N4BP1: variants seen among roughly 807,000 people sequenced by gnomAD.
The protein encoded by N4BP1 is NEDD4 binding protein 1.
N4BP1 carries 21 observed loss-of-function variants against 70.9 expected under a neutral mutation model. That is an observed-to-expected ratio of 0.30 (90% CI 0.21 to 0.43). The LOEUF (loss-of-function observed/expected upper bound fraction) is 0.43, where lower values mean the gene tolerates loss of function less well. N4BP1 is among the 20% of genes least tolerant of loss of function. N4BP1 has a pLI of 1.00. For synonymous variants in N4BP1, 387 were observed against 394.6 expected (o/e 0.98, Z 0.23); for missense variants, 936 against 1,069.4 (o/e 0.88, Z 1.74).
rs1183945080 is a variant in N4BP1 at position 48,594,428 on chromosome 16, C to T, written c.198+15347G>A. On this transcript the variant is annotated intron_variant, in intron 1 of 6. Transcript: ENST00000262384. ...GGAGTGCAGTGGCACAATCTTGGCT[C>T]ACTGCAACCTCTGCCTCATGAGTTC... Among the ~76,000 whole-genome samples, 7 of 152,162 alleles carry T rather than the reference C, an allele frequency of 4.6e-5. No homozygotes were observed. In the East Asian group the frequency reaches 7.7e-4, roughly 17 times the overall value.
rs768585096 is a variant in N4BP1, at chr16:48,561,870, G to A, written c.773C>T (p.Ser258Leu). 1.9e-6 allele frequency: 3 copies of A among 1,613,924 alleles called. No individual in the cohort carries two copies. The highest frequency in any genetic ancestry group is 2.5e-6 in the Non-Finnish European group (3 of 1,179,882). Reference protein sequence around the residue: ...TKQMDTVLSSSPDVLFDPING... With the variant: ...TKQMDTVLSSLPDVLFDPING... ...TATTGGATCAAAAAGCACATCTGGT[G>A]AGCTAGAAAGGACTGTGTCCATTTG... The change falls in exon 2 of 7, where the codon TCA becomes TTA. Residue 258 changes from serine to leucine, a missense_variant. Transcript: ENST00000262384.
At chr16:48,558,576 G>T (rs779201614) in intron 2 of N4BP1, among the ~76,000 whole-genome samples, 2 of 152,184 alleles carry the variant, frequency 1.3e-5, no homozygotes, top group Non-Finnish European at 2.9e-5. Flanking sequence ...TTTATAAAAA[G>T]CATCAGGATC....
chr16:48,552,074 A>G (rs1467371337), intron 3 of N4BP1, among the ~76,000 whole-genome samples: 1 of 152,168 alleles, frequency 6.6e-6, no homozygotes, highest in African/African-American at 2.4e-5. Context: ...GGATGATAAG[A>G]GACCCTGAGA....
chr16:48,605,871 A>C (rs1964572493), intron 1 of N4BP1, among the ~76,000 whole-genome samples: 1 of 152,142 alleles, frequency 6.6e-6, no homozygotes, highest in Admixed American at 6.5e-5. Context: ...CACTGGAGGA[A>C]TCTGTGATGC....
intron 1 of N4BP1, among the ~76,000 whole-genome samples, chr16:48,585,154 G>C (rs1280584381): frequency 6.6e-6 from 1 of 151,892 alleles, no homozygotes; most frequent in East Asian, 1.9e-4. Flanking sequence ...GGCTGGTCTT[G>C]AACTCCTGAC....
chr16:48,563,064 T>G (rs760358606), intron 1 of N4BP1, among the ~76,000 whole-genome samples: 1 of 152,162 alleles, frequency 6.6e-6, no homozygotes, highest in Non-Finnish European at 1.5e-5. Context: ...ACTGTTAAAT[T>G]AAATGCAGAT....
At position 48,552,699 on chromosome 16, in the gene N4BP1, G is replaced by GAAAAAAAAAA. The variant is rs71134556; in HGVS notation, c.2020+830_2020+839dup. 3.2e-4 allele frequency among the ~76,000 whole-genome samples: 6 copies of GAAAAAAAAAA among 18,506 alleles called. 1 individual carries two copies. The highest frequency in any genetic ancestry group is 8.0e-4 in the Admixed American group (1 of 1,244). The allele number at this position is 18,506 out of a possible 152,430, so 12.1% of individuals were successfully genotyped here. On this transcript the variant is annotated intron_variant, in intron 3 of 6. Coordinates refer to ENST00000262384, the MANE Select transcript of N4BP1 (RefSeq NM_153029.4). ...AGCGACAGAGCGAGACTCCGTCTCA[G>GAAAAAAAAAA]AAAAAAAAAAAAAAAAAAAAAAAAA...
chr16:48,581,627 G>T (rs1202118791), intron 1 of N4BP1, among the ~76,000 whole-genome samples: 1 of 152,026 alleles, frequency 6.6e-6, no homozygotes. Context: ...ATTTAACCAA[G>T]GAGTTCAAAA....
At chr16:48,581,708 G>T (rs554158686) in intron 1 of N4BP1, among the ~76,000 whole-genome samples, 1 of 151,966 alleles carries the variant, frequency 6.6e-6, no homozygotes, top group African/African-American at 2.4e-5. Flanking sequence ...GATATCCCAG[G>T]ACAATCTCTT....
Position 48,561,508 on chromosome 16 carries a change from A to G in N4BP1, c.1135T>C (p.Leu379=), listed in dbSNP as rs1240948982. The change falls in exon 2 of 7, where the codon TTG becomes CTG. Residue 379 remains leucine (L), a synonymous_variant. Transcript: ENST00000262384. The stretch of plus-strand genomic sequence containing the variant: ...TCTTTTTCAATTTCCTCTAAGAGCA[A>G]TAATGGTTCAGTAGATGGTCCATAC... ...KVYGPSTEPL[L]LLEEIEKENK... 3 of 1,613,288 alleles carry G rather than the reference A, an allele frequency of 1.9e-6. No homozygotes were observed. Among genetic ancestry groups the G allele is most frequent in the South Asian group, 2.2e-5 (2 of 90,864 alleles).
intron 1 of N4BP1, among the ~76,000 whole-genome samples, chr16:48,602,198 T>C (rs1226052423): frequency 6.6e-6 from 1 of 152,186 alleles, no homozygotes; most frequent in Non-Finnish European, 1.5e-5. Flanking sequence ...CACTCCAGCC[T>C]GGGCGACACA....
intron 1 of N4BP1, among the ~76,000 whole-genome samples, chr16:48,594,656 G>A (rs1964385123): frequency 6.6e-6 from 1 of 152,024 alleles, no homozygotes; most frequent in South Asian, 2.1e-4. Context: ...GTGCCCGTCT[G>A]ATATCCAGTG....
At chr16:48,565,876 A>G (rs1413569671) in intron 1 of N4BP1, among the ~76,000 whole-genome samples, 1 of 152,178 alleles carries the variant, frequency 6.6e-6, no homozygotes, top group Non-Finnish European at 1.5e-5. Flanking sequence ...CTTTTGAGGA[A>G]TTGGTCCATT....
chr16:48,540,352 C>A lies in N4BP1; in HGVS notation c.*2552G>T, dbSNP rs958396341. 6.6e-6 allele frequency: 1 copy of A among 152,288 alleles called. No homozygotes were observed. The highest frequency in any genetic ancestry group is 1.5e-5 in the Non-Finnish European group (1 of 68,108). 9.4% of individuals were successfully genotyped at this position (152,288 alleles called of 1,614,324 possible). On this transcript the variant is annotated 3_prime_UTR_variant, in exon 7 of 7. Coordinates refer to ENST00000262384, the MANE Select transcript of N4BP1 (RefSeq NM_153029.4). ...ATCCCAGCCGTGCCACAAGCCGCATCGGCATGAGGCCGGCTCTCCCTTCTT... is the reference window on the plus strand; with the variant it reads ...ATCCCAGCCGTGCCACAAGCCGCATAGGCATGAGGCCGGCTCTCCCTTCTT...
intron 1 of N4BP1, among the ~76,000 whole-genome samples, chr16:48,607,634 G>A (rs971456003): frequency 6.6e-6 from 1 of 152,146 alleles, no homozygotes; most frequent in African/African-American, 2.4e-5. Context: ...CCGCAGCAAA[G>A]GCAATAGAAA....
intron 2 of N4BP1, among the ~76,000 whole-genome samples, chr16:48,558,476 TG>T (rs755439008): frequency 2.7e-4 from 41 of 152,272 alleles, no homozygotes; most frequent in Admixed American, 6.5e-4. Flanking sequence ...GGACTAGATT[TG>T]CAAAACATCC....
At chr16:48,580,836 A>G (rs886237571) in intron 1 of N4BP1, among the ~76,000 whole-genome samples, 1 of 152,202 alleles carries the variant, frequency 6.6e-6, no homozygotes, top group African/African-American at 2.4e-5. Context: ...ATAACTATTT[A>G]TATCACATTT....
chr16:48,561,662 A>G lies in N4BP1; in HGVS notation c.981T>C (p.Ser327=). Residue 327 remains serine (S), a synonymous_variant, in exon 2 of 7, where the codon TCT becomes TCC. Transcript: ENST00000262384. ...AGNVIADLSD[S]SADSENLSPD... is the part of the protein sequence containing the mutation. ...GACTTAAATTTTCAGAATCAGCAGA[A>G]GAATCAGATAGGTCAGCTATTACAT... 1.9e-6 allele frequency: 3 copies of G among 1,613,470 alleles called. No individual in the cohort carries two copies. The highest frequency in any genetic ancestry group is 2.5e-6 in the Non-Finnish European group (3 of 1,179,868).
intron 4 of N4BP1, among the ~76,000 whole-genome samples, chr16:48,549,585 C>A (rs911039829): frequency 3.9e-5 from 6 of 152,220 alleles, no homozygotes; most frequent in Admixed American, 1.3e-4. Context: ...ATTCCGCCTT[C>A]TAGTACTTCT....
Sources: gnomAD v4.1 joint callset for allele counts (sites outside exome capture counted in the v4.1 genomes callset) on GRCh38, gnomAD v4.1.1 for gene constraint, MANE v1.5 for transcripts, NCBI Gene and HGNC (gene_info 2026-07-23, HGNC 2026-07-21) for gene names.